DGKB: variants seen among roughly 807,000 people sequenced by gnomAD.
DGKB encodes 90 kDa diacylglycerol kinase.
DGKB carries 67 observed loss-of-function variants against 114.3 expected under a neutral mutation model. That is an observed-to-expected ratio of 0.59 (90% CI 0.48 to 0.72). The LOEUF (loss-of-function observed/expected upper bound fraction) is 0.72, where lower values mean the gene tolerates loss of function less well. DGKB is among the 30% of genes least tolerant of loss of function. The pLI, the probability that DGKB is intolerant of heterozygous loss-of-function variation, is 0.00. For missense variants in DGKB, 907 were observed against 975.2 expected (o/e 0.93, Z 0.93); for synonymous variants, 398 against 323.1 (o/e 1.23, Z -2.49).
intron 20 of DGKB, among the ~76,000 whole-genome samples, chr7:14,525,919 T>A (rs914597099): frequency 2.0e-5 from 3 of 152,166 alleles, no homozygotes; most frequent in Non-Finnish European, 4.4e-5. Context: ...ATGGAAGGCT[T>A]AAAATTTTTA....
chr7:14,317,500 CAGAG>C (rs769576071), intron 23 of DGKB, among the ~76,000 whole-genome samples: 128 of 151,990 alleles, frequency 8.4e-4, no homozygotes, highest in Non-Finnish European at 1.6e-3. Context: ...CACAGACAAA[CAGAG>C]AGCCAAATCA....
intron 2 of DGKB, among the ~76,000 whole-genome samples, chr7:14,785,112 T>G (rs927103457): frequency 1.3e-5 from 2 of 152,186 alleles, no homozygotes; most frequent in African/African-American, 4.8e-5. Context: ...AACAATTTTA[T>G]CTGTATTTTT....
chr7:14,237,067 C>T (rs1859731), intron 23 of DGKB, among the ~76,000 whole-genome samples: 99,608 of 151,714 alleles, frequency 0.66, 33,352 homozygotes, highest in African/African-American at 0.79. Flanking sequence ...TGTGCTCTTC[C>T]TGTAAATGAG....
At chr7:14,904,336 C>T (rs1261959880), upstream of DGKB, among the ~76,000 whole-genome samples, 1 of 152,058 alleles carries the variant, frequency 6.6e-6, no homozygotes, top group Non-Finnish European at 1.5e-5. Context: ...TAATGCACGC[C>T]TTTAATTATT....
chr7:14,684,773 A>AT (rs1821392802), intron 10 of DGKB, among the ~76,000 whole-genome samples: 1 of 152,156 alleles, frequency 6.6e-6, no homozygotes, highest in African/African-American at 2.4e-5. Context: ...ATTAGTTCGT[A>AT]TATCTTGCGA....
At position 14,613,640 on chromosome 7, in the gene DGKB, CTAGA is replaced by C. The variant is rs1277100444; in HGVS notation, c.1285-231_1285-228del. Reference sequence around the variant, plus strand: ...CCTCCACAAAGAAAGGCATGCCTATCTAGATAGAGGGCCGAGGGGAAGGCAGTCA... The same window carrying C: ...CCTCCACAAAGAAAGGCATGCCTATCTAGAGGGCCGAGGGGAAGGCAGTCA... On this transcript the variant is annotated intron_variant, in intron 15 of 25. Transcript: ENST00000402815. Among the ~76,000 whole-genome samples the C allele has an allele frequency of 4.0e-5, 6 of 151,526 alleles. No individual in the cohort carries two copies. The East Asian group carries it at 1.2e-3, about 29-fold the overall frequency.
intron 1 of DGKB, among the ~76,000 whole-genome samples, chr7:14,855,440 T>C (rs920576526): frequency 6.6e-6 from 1 of 152,130 alleles, no homozygotes; most frequent in Non-Finnish European, 1.5e-5. Flanking sequence ...GATCTAGAAC[T>C]GAAAATTTGA....
chr7:14,716,585 C>T (rs574837731), intron 6 of DGKB, among the ~76,000 whole-genome samples: 3 of 152,060 alleles, frequency 2.0e-5, no homozygotes, highest in Non-Finnish European at 2.9e-5. Flanking sequence ...TGAAGTCTTA[C>T]TGACAATTTG....
intron 23 of DGKB, among the ~76,000 whole-genome samples, chr7:14,217,542 G>A (rs986492460): frequency 1.3e-5 from 2 of 151,846 alleles, no homozygotes; most frequent in African/African-American, 2.4e-5. Context: ...CTTTTGAAAT[G>A]AGTAATTATA....
chr7:14,653,590 G>A (rs888951797), intron 13 of DGKB, among the ~76,000 whole-genome samples: 2 of 151,798 alleles, frequency 1.3e-5, no homozygotes, highest in Non-Finnish European at 2.9e-5. Context: ...CACCAGCATG[G>A]CACATGTATG....
At chr7:14,482,927 G>A (rs1783198157) in intron 20 of DGKB, among the ~76,000 whole-genome samples, 1 of 151,948 alleles carries the variant, frequency 6.6e-6, no homozygotes, top group Admixed American at 6.6e-5. Flanking sequence ...GAGCCAGAAG[G>A]TTTTCTTCTT....
chr7:14,857,206 GTCTCTCTCTCTC>G (rs36093995), intron 1 of DGKB, among the ~76,000 whole-genome samples: 2 of 146,478 alleles, frequency 1.4e-5, no homozygotes, highest in African/African-American at 5.1e-5. Flanking sequence ...CTCTCTCTCT[GTCTCTCTCTCTC>G]TCTCTCTCTC....
At chr7:14,808,643 A>T (rs759384507) in intron 2 of DGKB, among the ~76,000 whole-genome samples, 6 of 152,130 alleles carry the variant, frequency 3.9e-5, no homozygotes, top group Admixed American at 2.6e-4. Flanking sequence ...GAGATTGCAA[A>T]AAAAGAATTA....
At chr7:14,585,270 C>T (rs781026998) in intron 17 of DGKB, among the ~76,000 whole-genome samples, 1 of 152,050 alleles carries the variant, frequency 6.6e-6, no homozygotes, top group Admixed American at 6.6e-5. Flanking sequence ...ATATAATAAA[C>T]ACATATGTAC....
At chr7:14,937,874 CTCT>C (rs1785358558) in intron 1 of DGKB, among the ~76,000 whole-genome samples, 1 of 152,144 alleles carries the variant, frequency 6.6e-6, no homozygotes, top group Non-Finnish European at 1.5e-5. Flanking sequence ...AATACACTTC[CTCT>C]TCTTTAATGA....
At chr7:14,904,866 G>A (rs946370306), upstream of DGKB, among the ~76,000 whole-genome samples, 3 of 152,062 alleles carry the variant, frequency 2.0e-5, no homozygotes, top group African/African-American at 7.2e-5. Context: ...AAGGAAGTAG[G>A]CACAAGAAGT....
At chr7:14,894,363 G>A (rs752663480) in intron 1 of DGKB, among the ~76,000 whole-genome samples, 6 of 151,348 alleles carry the variant, frequency 4.0e-5, no homozygotes, top group Non-Finnish European at 5.9e-5. Flanking sequence ...CAGAGAGGAT[G>A]GCACCTTCTC....
At chr7:14,439,030 G>A (rs895780002) in intron 21 of DGKB, among the ~76,000 whole-genome samples, 9 of 146,316 alleles carry the variant, frequency 6.2e-5, no homozygotes, top group African/African-American at 2.0e-4. Flanking sequence ...CAAGTTTCTT[G>A]TATTTCACTG....
chr7:14,470,105 C>A (rs1256922676), intron 21 of DGKB, among the ~76,000 whole-genome samples: 1 of 151,692 alleles, frequency 6.6e-6, no homozygotes, highest in African/African-American at 2.4e-5. Context: ...GAGTATGTTT[C>A]TTCTTTAAAA....
Sources: gnomAD v4.1 joint callset for allele counts (sites outside exome capture counted in the v4.1 genomes callset) on GRCh38, gnomAD v4.1.1 for gene constraint, MANE v1.5 for transcripts, NCBI Gene and HGNC (gene_info 2026-07-23, HGNC 2026-07-21) for gene names.